MOBP: variants seen among roughly 807,000 people sequenced by gnomAD.
The protein encoded by MOBP is myelin associated oligodendrocyte basic protein.
In MOBP, 5 loss-of-function variants were observed where a neutral mutation model predicts 15.0. That is an observed-to-expected ratio of 0.33 (90% confidence interval 0.17 to 0.70). The LOEUF (loss-of-function observed/expected upper bound fraction) is 0.70, where lower values mean the gene tolerates loss of function less well. MOBP is among the 30% of genes least tolerant of loss of function. The pLI is 0.67. For synonymous variants in MOBP, 88 were observed against 99.0 expected (o/e 0.89, Z 0.66); for missense variants, 188 against 257.8 (o/e 0.73, Z 1.85).
downstream of MOBP, among the ~76,000 whole-genome samples, chr3:39,516,704 C>A (rs1432951239): frequency 6.6e-6 from 1 of 152,150 alleles, no homozygotes; most frequent in East Asian, 1.9e-4. Context: ...TAACATTTTG[C>A]CACTACAGTT....
At chr3:39,508,078 A>G (rs1275538543) in intron 4 of MOBP, among the ~76,000 whole-genome samples, 1 of 152,226 alleles carries the variant, frequency 6.6e-6, no homozygotes, top group East Asian at 1.9e-4. Flanking sequence ...AGCACACAGC[A>G]GGACGATAGT....
chr3:39,488,573 A>G (rs1346505267), intron 2 of MOBP, among the ~76,000 whole-genome samples: 1 of 152,184 alleles, frequency 6.6e-6, no homozygotes, highest in East Asian at 1.9e-4. Flanking sequence ...AGACCTTTAG[A>G]AGCATCTCAG....
intron 2 of MOBP, among the ~76,000 whole-genome samples, chr3:39,489,295 G>T (rs547971465): frequency 6.8e-4 from 103 of 152,240 alleles, no homozygotes; most frequent in African/African-American, 2.2e-3. Flanking sequence ...TCACATTTCA[G>T]TCATACATTG....
chr3:39,527,876 T>C (rs1243565945), downstream of MOBP: 1 of 152,278 alleles, frequency 6.6e-6, no homozygotes, highest in East Asian at 1.9e-4. Context: ...TTTCAGATAT[T>C]GGTGCTAACA....
exon 5 of MOBP, chr3:39,524,682 A>C (rs2043305326): frequency 6.6e-6 from 1 of 152,166 alleles, no homozygotes; most frequent in Non-Finnish European, 1.5e-5. Flanking sequence ...AAGCAATAAT[A>C]ATTTTAGGCA....
At chr3:39,483,229 G>A (rs576854740) in intron 2 of MOBP, among the ~76,000 whole-genome samples, 1 of 152,160 alleles carries the variant, frequency 6.6e-6, no homozygotes, top group African/African-American at 2.4e-5. Flanking sequence ...TTTTTTGAAT[G>A]AATGAATGGT....
chr3:39,527,786 C>G (rs816519), downstream of MOBP: 49,453 of 152,090 alleles, frequency 0.33, 10,503 homozygotes, highest in African/African-American at 0.61. Flanking sequence ...AAGCAAACAG[C>G]GTATCTATGT....
chr3:39,469,231 T>TATACATATATAC (rs2042428751), intron 1 of MOBP, among the ~76,000 whole-genome samples: 1 of 123,358 alleles, frequency 8.1e-6, no homozygotes, highest in African/African-American at 3.6e-5. Flanking sequence ...CATATATACA[T>TATACATATATAC]ATGTGTGTGT....
Position 39,502,329 on chromosome 3 carries a change from C to T in MOBP, c.206+54C>T, listed in dbSNP as rs1308747263. The T allele has an allele frequency of 1.9e-6, 3 of 1,608,120 alleles. No homozygotes were observed. Among genetic ancestry groups the T allele is most frequent in the African/African-American group, 1.3e-5 (1 of 74,830 alleles). On this transcript the variant is annotated intron_variant, in intron 3 of 3. Transcript: ENST00000684792. This position sits in a 1 kb window ranked among gnomAD's most constrained non-coding sequence, Gnocchi z 6.3. ...AGTTGGGCACAGCGCGTGGTCTCGG[C>T]TCCCAGCACGCCCCTCCCGCTCCGC...
chr3:39,469,879 G>A (rs987939079), intron 1 of MOBP, among the ~76,000 whole-genome samples: 1 of 152,216 alleles, frequency 6.6e-6, no homozygotes, highest in Middle Eastern at 3.4e-3. Flanking sequence ...AATTTCCAAG[G>A]AATCACCAAA....
chr3:39,474,375 G>A (rs9853313), intron 1 of MOBP, among the ~76,000 whole-genome samples: 2,902 of 152,244 alleles, frequency 0.019, 71 homozygotes, highest in African/African-American at 0.065. Context: ...ACAAAGATAC[G>A]TTCTGAGAAA....
At chr3:39,480,616 C>T (rs893314401) in intron 2 of MOBP, among the ~76,000 whole-genome samples, 5 of 152,354 alleles carry the variant, frequency 3.3e-5, no homozygotes, top group African/African-American at 1.2e-4. Context: ...CCTTAGGCCA[C>T]TGTGCCTTCA....
chr3:39,482,251 T>C (rs1445161145), intron 2 of MOBP, among the ~76,000 whole-genome samples: 1 of 152,218 alleles, frequency 6.6e-6, no homozygotes, highest in African/African-American at 2.4e-5. Context: ...TTGTTAATTC[T>C]ACTCTTGGAA....
chr3:39,470,318 C>CT (rs1218227858), intron 1 of MOBP, among the ~76,000 whole-genome samples: 3 of 152,160 alleles, frequency 2.0e-5, no homozygotes, highest in Admixed American at 6.6e-5. Flanking sequence ...AAACTGTCCC[C>CT]TTATGGGGAC....
downstream of MOBP, among the ~76,000 whole-genome samples, chr3:39,504,135 T>G (rs190124303): frequency 6.6e-6 from 1 of 152,342 alleles, no homozygotes; most frequent in African/African-American, 2.4e-5. Flanking sequence ...GGCACAAGAT[T>G]AGGCAAGTTT....
At chr3:39,507,522 G>C (rs1312203167), downstream of MOBP, among the ~76,000 whole-genome samples, 2 of 152,206 alleles carry the variant, frequency 1.3e-5, no homozygotes, top group Non-Finnish European at 2.9e-5. Context: ...GCAAAGTAGA[G>C]AGAGACCCAT....
downstream of MOBP, among the ~76,000 whole-genome samples, chr3:39,506,534 C>A (rs996316654): frequency 1.3e-5 from 2 of 152,154 alleles, no homozygotes; most frequent in Admixed American, 6.5e-5. Context: ...TGCCGAGGAC[C>A]TCTGGGGAAC....
chr3:39,510,937 AG>A (rs1292031902), intron 4 of MOBP, among the ~76,000 whole-genome samples: 1 of 152,238 alleles, frequency 6.6e-6, no homozygotes, highest in Non-Finnish European at 1.5e-5. Context: ...CAAGATGCTT[AG>A]GTTAGGTTGT....
At chr3:39,506,470 T>TA (rs143313621), downstream of MOBP, among the ~76,000 whole-genome samples, 7,521 of 151,430 alleles carry the variant, frequency 0.05, 649 homozygotes, top group African/African-American at 0.17. Flanking sequence ...AAGAGCCAAT[T>TA]AAAAAAAAGC....
Sources: gnomAD v4.1 joint callset for allele counts (sites outside exome capture counted in the v4.1 genomes callset) on GRCh38, gnomAD v4.1.1 for gene constraint, Gnocchi (gnomAD v3.1) non-coding constraint, MANE v1.5 for transcripts, NCBI Gene and HGNC (gene_info 2026-07-23, HGNC 2026-07-21) for gene names.